The following TMEM178B variants were observed in gnomAD, a reference collection of about 807,000 sequenced individuals.
The protein encoded by TMEM178B is transmembrane protein 178B.
A neutral mutation model predicts 31.0 loss-of-function variants in TMEM178B; 5 were observed. The ratio of observed to expected loss-of-function variants is 0.16; its 90% confidence interval spans 0.08 to 0.34. The LOEUF (loss-of-function observed/expected upper bound fraction) is 0.34, where lower values mean the gene tolerates loss of function less well. Ranked by LOEUF, TMEM178B falls within the 10% of genes least tolerant of loss-of-function variation. TMEM178B has a pLI of 1.00. For missense variants in TMEM178B, 275 were observed against 400.3 expected (o/e 0.69, Z 2.67); for synonymous variants, 164 against 164.0 (o/e 1.00, Z 0.00).
In TMEM178B at chr7:141,377,368, G is replaced by C. The variant is rs181977727; in HGVS notation, c.497-60240G>C. On this transcript the variant is annotated intron_variant, in intron 2 of 3. Coordinates refer to ENST00000565468, the MANE Select transcript of TMEM178B (RefSeq NM_001195278.2). ...CCAGCTAATTTTTGTATTTTTAGCA[G>C]GGACGGGGTTTCACCACGTTGGCCG... Among the ~76,000 whole-genome samples, 694 of 151,866 alleles carry C rather than the reference G, an allele frequency of 4.6e-3. 3 individuals are homozygous for C. Among genetic ancestry groups the C allele is most frequent in the Non-Finnish European group, 7.6e-3 (516 of 67,868 alleles).
intron 1 of TMEM178B, among the ~76,000 whole-genome samples, chr7:141,210,122 C>T (rs1346905733): frequency 6.6e-6 from 1 of 152,104 alleles, no homozygotes; most frequent in Non-Finnish European, 1.5e-5. Flanking sequence ...CTGCTACCTC[C>T]TTGGGTGAGT....
At chr7:141,284,402 G>A (rs889246693) in intron 2 of TMEM178B, among the ~76,000 whole-genome samples, 2 of 152,128 alleles carry the variant, frequency 1.3e-5, no homozygotes, top group African/African-American at 4.8e-5. Flanking sequence ...TTCAAGGGAT[G>A]ATACCTCAGT....
intron 2 of TMEM178B, among the ~76,000 whole-genome samples, chr7:141,285,137 A>G (rs1313103665): frequency 2.8e-5 from 4 of 141,554 alleles, no homozygotes; most frequent in African/African-American, 1.0e-4. Context: ...CCAGGATCCA[A>G]TTCAGGATTC....
At chr7:141,113,961 A>G (rs76112387) in intron 1 of TMEM178B, among the ~76,000 whole-genome samples, 16,733 of 152,242 alleles carry the variant, frequency 0.11, 1,106 homozygotes, top group Non-Finnish European at 0.15. Flanking sequence ...CATAGTGGTT[A>G]TCTATTGTCT....
At chr7:141,192,964 G>T (rs1796721703) in intron 1 of TMEM178B, among the ~76,000 whole-genome samples, 1 of 152,020 alleles carries the variant, frequency 6.6e-6, no homozygotes, top group African/African-American at 2.4e-5. Flanking sequence ...TCCATCTTCT[G>T]TAAGCAGGAA....
chr7:141,267,482 C>A (rs1231065723), intron 2 of TMEM178B, among the ~76,000 whole-genome samples: 2 of 152,180 alleles, frequency 1.3e-5, no homozygotes, highest in Non-Finnish European at 2.9e-5. Context: ...ATATTGTCGG[C>A]TCCCCTCAGC....
chr7:141,309,189 C>T (rs2116454605), intron 2 of TMEM178B, among the ~76,000 whole-genome samples: 2 of 152,316 alleles, frequency 1.3e-5, no homozygotes, highest in South Asian at 4.1e-4. Context: ...TGTATCTCCA[C>T]AACCAACAGG....
chr7:141,373,277 T>C (rs1800151048), intron 2 of TMEM178B, among the ~76,000 whole-genome samples: 2 of 152,128 alleles, frequency 1.3e-5, no homozygotes, highest in Admixed American at 1.3e-4. Context: ...AGAGAAAGGT[T>C]ACAGATGAGA....
chr7:141,132,429 A>G (rs1795609075), intron 1 of TMEM178B, among the ~76,000 whole-genome samples: 1 of 152,238 alleles, frequency 6.6e-6, no homozygotes, highest in African/African-American at 2.4e-5. Flanking sequence ...TTACACTTTA[A>G]TCAACATTTA....
chr7:141,354,630 C>T (rs1394494510), intron 2 of TMEM178B, among the ~76,000 whole-genome samples: 1 of 152,190 alleles, frequency 6.6e-6, no homozygotes, highest in African/African-American at 2.4e-5. Context: ...CCATATTCCT[C>T]TATTATTAAC....
At chr7:141,386,867 G>T (rs1188592954) in intron 2 of TMEM178B, among the ~76,000 whole-genome samples, 3 of 152,202 alleles carry the variant, frequency 2.0e-5, no homozygotes, top group African/African-American at 7.2e-5. Context: ...GGGCTCAGCA[G>T]CCGGGGTTTG....
At chr7:141,183,991 C>T (rs150892837) in intron 1 of TMEM178B, among the ~76,000 whole-genome samples, 1 of 152,270 alleles carries the variant, frequency 6.6e-6, no homozygotes, top group East Asian at 1.9e-4. Context: ...ACCAGTGATG[C>T]TTCTTGGAAA....
intron 2 of TMEM178B, among the ~76,000 whole-genome samples, chr7:141,220,437 TA>T (rs1797239602): frequency 6.6e-6 from 1 of 152,130 alleles, no homozygotes; most frequent in African/African-American, 2.4e-5. Flanking sequence ...GGTCAGTGAT[TA>T]AAATGCGCTG....
At chr7:141,394,312 G>T (rs200047514) in intron 2 of TMEM178B, among the ~76,000 whole-genome samples, 4 of 152,220 alleles carry the variant, frequency 2.6e-5, no homozygotes, top group African/African-American at 9.6e-5. Context: ...TAGGCTTTGG[G>T]CCTAAAAGGG....
chr7:141,408,825 C>G (rs536841823), intron 2 of TMEM178B, among the ~76,000 whole-genome samples: 1 of 152,246 alleles, frequency 6.6e-6, no homozygotes, highest in South Asian at 2.1e-4. Context: ...GACGTGTCAA[C>G]CACGCAGAAA....
intron 1 of TMEM178B, among the ~76,000 whole-genome samples, chr7:141,195,009 A>T (rs958157016): frequency 2.0e-5 from 3 of 152,230 alleles, no homozygotes; most frequent in Admixed American, 6.5e-5. Context: ...CCAAGTCCCT[A>T]GGCTGCACAC....
At chr7:141,470,394 C>T (rs1047838198) in intron 3 of TMEM178B, 142 bp from the exon 4 acceptor site, 1 of 780,292 alleles carries the variant, frequency 1.3e-6, no homozygotes, top group African/African-American at 1.8e-5. Context: ...TTGGTGATAA[C>T]CTGCTCTTAC....
At chr7:141,180,547 C>A (rs1417060681) in intron 1 of TMEM178B, among the ~76,000 whole-genome samples, 1 of 152,030 alleles carries the variant, frequency 6.6e-6, no homozygotes, top group Non-Finnish European at 1.5e-5. Context: ...TTGTTCCAGC[C>A]CTGTCTTCTA....
intron 1 of TMEM178B, among the ~76,000 whole-genome samples, chr7:141,196,667 C>T (rs1482542370): frequency 2.0e-5 from 3 of 152,194 alleles, no homozygotes; most frequent in Non-Finnish European, 2.9e-5. Context: ...AGTCCTAAAT[C>T]GTGACTCCCC....
Sources: gnomAD v4.1 joint callset for allele counts (sites outside exome capture counted in the v4.1 genomes callset) on GRCh38, gnomAD v4.1.1 for gene constraint, MANE v1.5 for transcripts, NCBI Gene and HGNC (gene_info 2026-07-23, HGNC 2026-07-21) for gene names.